Variants in UBR4 observed in about 807,000 individuals in gnomAD.
The protein encoded by UBR4 is E3 ubiquitin-protein ligase UBR4.
UBR4 carries 124 observed loss-of-function variants against 575.6 expected under a neutral mutation model. The observed-to-expected ratio is 0.22, with a 90% confidence interval of 0.19 to 0.25. UBR4 has a LOEUF of 0.25. Ranked by LOEUF, UBR4 falls within the 10% of genes least tolerant of loss-of-function variation. UBR4 has a pLI of 1.00. For missense variants in UBR4, 4,818 were observed against 6,478.8 expected, an observed-to-expected ratio of 0.74 and a Z score of 8.80; for synonymous variants, 2,455 against 2,473.7, an observed-to-expected ratio of 0.99 and a Z score of 0.22.
intron 58 of UBR4, among the ~76,000 whole-genome samples, chr1:19,140,430 T>C (rs2083739448): frequency 6.6e-6 from 1 of 152,252 alleles, no homozygotes; most frequent in Admixed American, 6.5e-5. Flanking sequence ...GTAAAAGGTA[T>C]GAGTTCTATT....
rs570158896 is a variant in UBR4 at position 19,105,666 on chromosome 1, C to T, written c.12503+67G>A. On this transcript the variant is annotated intron_variant, in intron 84 of 105. Coordinates refer to ENST00000375254, the MANE Select transcript of UBR4 (RefSeq NM_020765.3). ...TCTCATTACCCTGATCCATGGATTC[C>T]CCGGGGAAGATGAAAAGGCTCTAGA... 7 of 1,225,814 alleles carry T rather than the reference C, an allele frequency of 5.7e-6. No individual in the cohort carries two copies. In the Admixed American group the frequency reaches 1.8e-4, roughly 32 times the overall value. The allele number at this position is 1,225,814 out of a possible 1,614,324, so 75.9% of individuals were successfully genotyped here.
At chr1:19,170,330 T>C (rs2089314882) in intron 26 of UBR4, among the ~76,000 whole-genome samples, 1 of 152,110 alleles carries the variant, frequency 6.6e-6, no homozygotes, top group South Asian at 2.1e-4. Context: ...ACACAGGAGA[T>C]GAAGGCCGCA....
chr1:19,143,433 T>C (rs1204066755), intron 55 of UBR4, among the ~76,000 whole-genome samples: 1 of 152,236 alleles, frequency 6.6e-6, no homozygotes, highest in Admixed American at 6.5e-5. Flanking sequence ...TTTTACTGAA[T>C]CGTAAAATGT....
At position 19,110,421 on chromosome 1, in the gene UBR4, A is replaced by G; in HGVS notation, c.11936T>C (p.Ile3979Thr). Residue 3979 changes from isoleucine (I) to threonine (T), a missense_variant, in exon 80 of 106, where the codon ATC becomes ACC. Physicochemically the swap from Ile to Thr is moderately conservative, Grantham distance 89. Coordinates refer to ENST00000375254, the MANE Select transcript of UBR4 (RefSeq NM_020765.3). The surrounding 1 kb of genome is among the most constrained non-coding windows in gnomAD (Gnocchi z 4.5). ...QYEMLLLTDS[I>T]SKEDSCWELR... ...CTCCCAGCAGCTGTCCTCCTTGGAGATAGAATCCGTCAGCAGCAGCATTTC... is the reference window on the plus strand; with the variant it reads ...CTCCCAGCAGCTGTCCTCCTTGGAGGTAGAATCCGTCAGCAGCAGCATTTC... 1.2e-6 allele frequency: 2 copies of G among 1,614,110 alleles called. No individual in the cohort carries two copies. Among genetic ancestry groups the G allele is most frequent in the Non-Finnish European group, 1.7e-6 (2 of 1,180,030 alleles).
chr1:19,186,634 C>T lies in UBR4; in HGVS notation c.1656G>A (p.Arg552=). ...TGGCATCGCTGCTCATGGAGCCCTT[C>T]CTCTGCCGCTGCAGGACACATGCCT... is the stretch of plus-strand genomic sequence containing the variant. ...YRKACVLQRQ[R]KGSMSSDASA... is the part of the protein sequence containing the mutation. Residue 552 remains arginine, a synonymous_variant, in exon 14 of 106, where the codon AGG becomes AGA. Coordinates refer to ENST00000375254, the MANE Select transcript of UBR4 (RefSeq NM_020765.3). 3 of 1,614,126 alleles carry T rather than the reference C, an allele frequency of 1.9e-6. No homozygotes were observed. Among genetic ancestry groups the T allele is most frequent in the Non-Finnish European group, 2.5e-6 (3 of 1,180,010 alleles).
intron 60 of UBR4, among the ~76,000 whole-genome samples, chr1:19,133,789 A>G (rs2082827402): frequency 6.6e-6 from 1 of 152,012 alleles, no homozygotes; most frequent in Non-Finnish European, 1.5e-5. Flanking sequence ...CAACAAAAAA[A>G]AAAACTAGGC....
At chr1:19,202,602 C>G (rs776318726) in intron 1 of UBR4, among the ~76,000 whole-genome samples, 4 of 152,070 alleles carry the variant, frequency 2.6e-5, no homozygotes, top group Non-Finnish European at 4.4e-5. Flanking sequence ...TACACCATCC[C>G]CCTGACTGTA....
At position 19,124,362 on chromosome 1, in the gene UBR4, A is replaced by C. The variant is rs940489659; in HGVS notation, c.9588+179T>G. 9 of 741,134 alleles carry C rather than the reference A, an allele frequency of 1.2e-5. No individual in the cohort carries two copies. The African/African-American group carries it at 1.6e-4, about 13-fold the overall frequency. The allele number at this position is 741,134 out of a possible 1,614,324, so 45.9% of individuals were successfully genotyped here. On this transcript the variant is annotated intron_variant, in intron 65 of 105. Transcript: ENST00000375254. ...AGGTAAAGTATGGCTTGTTTGATACACATCTCCCACAGTTCTACCACACAG... is the reference window on the plus strand; with the variant it reads ...AGGTAAAGTATGGCTTGTTTGATACCCATCTCCCACAGTTCTACCACACAG...
rs948721717 is a variant in UBR4, at chr1:19,176,492, G to A, written c.2773+100C>T. On this transcript the variant is annotated intron_variant, in intron 20 of 105. Coordinates refer to ENST00000375254, the MANE Select transcript of UBR4 (RefSeq NM_020765.3). ...TGCCACCCATAGGGATTACACTAAA[G>A]CAAATGACCAAAGATCCTCCAAGAG... 4 of 1,450,314 alleles carry A rather than the reference G, an allele frequency of 2.8e-6. No individual in the cohort carries two copies. In the African/African-American group the frequency reaches 4.2e-5, roughly 15 times the overall value. The allele number at this position is 1,450,314 out of a possible 1,614,324, so 89.8% of individuals were successfully genotyped here. A position where few individuals can be genotyped will look rare whatever the true frequency, so the allele number is the denominator to read the frequency against.
Position 19,185,281 on chromosome 1 carries a change from C to T in UBR4, c.1756G>A (p.Asp586Asn). 6.4e-7 allele frequency: 1 copy of T among 1,561,608 alleles called. No homozygotes were observed. Among genetic ancestry groups the T allele is most frequent in the African/African-American group, 1.4e-5 (1 of 72,282 alleles). Residue 586 changes from aspartate (D) to asparagine (N), a missense_variant, in exon 15 of 106, where the codon GAC becomes AAC. Coordinates refer to ENST00000375254, the MANE Select transcript of UBR4 (RefSeq NM_020765.3). ...CATTGCCCCAAAATAGGCTCACTGT[C>T]ATCGTCTGAATAGAGAAAGATAAAG... is the stretch of plus-strand genomic sequence containing the variant. Reference protein sequence around the residue: ...STEEDSSQDDDSEPILGQWFE... With the variant: ...STEEDSSQDDNSEPILGQWFE...
Position 19,110,462 on chromosome 1 carries a change from T to C in UBR4, c.11895A>G (p.Ala3965=). 6.2e-7 allele frequency: 1 copy of C among 1,614,070 alleles called. No homozygotes were observed. The highest frequency in any genetic ancestry group is 8.5e-7 in the Non-Finnish European group (1 of 1,179,994). ...GCAGCATTTCATACTGCAGGCTACT[T>C]GCCTAGAAGGCAATGGGAAGAGACA... The part of the protein sequence containing the change: ...LKGHWANPDL[A]SSLQYEMLLL... The change falls in exon 80 of 106, where the codon GCA becomes GCG. Residue 3965 remains alanine (A), a splice_region_variant and synonymous_variant. Coordinates refer to ENST00000375254, the MANE Select transcript of UBR4 (RefSeq NM_020765.3). The surrounding 1 kb of genome is among the most constrained non-coding windows in gnomAD (Gnocchi z 4.5).
intron 101 of UBR4, among the ~76,000 whole-genome samples, chr1:19,085,668 T>C (rs951998275): frequency 6.6e-6 from 1 of 152,132 alleles, no homozygotes; most frequent in African/African-American, 2.4e-5. Context: ...CAGCAAGACA[T>C]GAGGACCTCA....
chr1:19,146,001 A>T (rs2084811661), intron 52 of UBR4, 68 bp from the exon 53 acceptor site: 3 of 1,611,700 alleles, frequency 1.9e-6, no homozygotes, highest in African/African-American at 2.7e-5. Flanking sequence ...TTTTAAGGTT[A>T]ACTCAGGTCA....
intron 35 of UBR4, 109 bp downstream of exon 35, chr1:19,162,311 T>C (rs747534653): frequency 3.7e-6 from 5 of 1,349,056 alleles, no homozygotes; most frequent in East Asian, 2.3e-5. Flanking sequence ...CAACAAGGAC[T>C]AGGAAGTTTT....
Position 19,153,507 on chromosome 1 carries a change from G to A in UBR4, c.6631-5C>T. Reference sequence around the variant, plus strand: ...AATAGCAACCATGTCTTGGATCTAGGAGGAGAGGACAAAGGAGGGTCTTCG... The same window carrying A: ...AATAGCAACCATGTCTTGGATCTAGAAGGAGAGGACAAAGGAGGGTCTTCG... On this transcript the variant is annotated splice_region_variant and splice_polypyrimidine_tract_variant and intron_variant, in intron 45 of 105. Transcript: ENST00000375254. The surrounding 1 kb of genome is among the most constrained non-coding windows in gnomAD (Gnocchi z 4.1). 6.2e-7 allele frequency: 1 copy of A among 1,613,758 alleles called. No individual in the cohort carries two copies. The highest frequency in any genetic ancestry group is 8.5e-7 in the Non-Finnish European group (1 of 1,179,948).
intron 81 of UBR4, among the ~76,000 whole-genome samples, chr1:19,107,851 G>A (rs1341354862): frequency 1.3e-5 from 2 of 152,038 alleles, no homozygotes; most frequent in Non-Finnish European, 2.9e-5. Flanking sequence ...TGAAAAAGAA[G>A]AGTAAATCTA....
rs373848229 is a variant in UBR4 at position 19,163,702 on chromosome 1, G to A, written c.4764+62C>T. ...CAATAGGAACGAGAGACTTCCACCTGACCACAGAGGTGAGAATCACCTTTC... is the reference window on the plus strand; with the variant it reads ...CAATAGGAACGAGAGACTTCCACCTAACCACAGAGGTGAGAATCACCTTTC... On this transcript the variant is annotated intron_variant, in intron 34 of 105. Transcript: ENST00000375254. The A allele has an allele frequency of 9.0e-6, 14 of 1,559,092 alleles. No individual in the cohort carries two copies. In the African/African-American group the frequency reaches 1.9e-4, roughly 21 times the overall value.
chr1:19,120,096 A>G (rs2081007956), intron 69 of UBR4, 84 bp downstream of exon 69: 14 of 1,487,550 alleles, frequency 9.4e-6, no homozygotes, highest in Non-Finnish European at 1.3e-5. Flanking sequence ...CTGTGACCAT[A>G]TGTAACCGAA....
chr1:19,197,760 C>T lies in UBR4; in HGVS notation c.803G>A (p.Arg268His). The T allele has an allele frequency of 6.2e-7, 1 of 1,614,164 alleles. No homozygotes were observed. The highest frequency in any genetic ancestry group is 8.5e-7 in the Non-Finnish European group (1 of 1,180,040). ...RVCLNLPYFL[R>H]YINRFQDAVL... ...TGCATCTTGGAACCGATTGATATAG[C>T]GTAGGAAATATGGCAGGTTCAAACA... Residue 268 changes from arginine to histidine, a missense_variant, in exon 7 of 106, where the codon CGC becomes CAC. This residue lies in a region of UBR4 where 131 missense variants were observed against 214.5 expected (regional missense o/e 0.61). Coordinates refer to ENST00000375254, the MANE Select transcript of UBR4 (RefSeq NM_020765.3).
Sources: allele counts gnomAD v4.1 joint callset (sites outside exome capture counted in the v4.1 genomes callset), GRCh38; gene constraint gnomAD v4.1.1; regional missense constraint gnomAD v4.1.1; non-coding constraint Gnocchi (gnomAD v3.1); transcripts MANE v1.5; gene names NCBI Gene and HGNC (gene_info 2026-07-23, HGNC 2026-07-21).